The following LSAMP variants were observed in gnomAD, a reference collection of about 807,000 sequenced individuals.
LSAMP encodes the protein limbic system-associated membrane protein.
LSAMP carries 7 observed loss-of-function variants against 38.6 expected under a neutral mutation model. The ratio of observed to expected loss-of-function variants is 0.18; its 90% CI spans 0.10 to 0.34. The LOEUF (loss-of-function observed/expected upper bound fraction) is 0.34, where lower values mean the gene tolerates loss of function less well. Among genes scored for constraint, LSAMP ranks in the 10% least tolerant of loss-of-function variants. The pLI is 1.00. For synonymous variants in LSAMP, 154 were observed against 166.8 expected, an observed-to-expected ratio of 0.92 and a Z score of 0.59; for missense variants, 313 against 420.0, an observed-to-expected ratio of 0.75 and a Z score of 2.23.
At chr3:116,125,787 G>C (rs1708995745) in intron 1 of LSAMP, among the ~76,000 whole-genome samples, 1 of 152,094 alleles carries the variant, frequency 6.6e-6, no homozygotes, top group African/African-American at 2.4e-5. Context: ...GTACATGATG[G>C]TATTTTTTTC....
chr3:116,287,228 G>A (rs1385380456), intron 1 of LSAMP, among the ~76,000 whole-genome samples: 1 of 152,110 alleles, frequency 6.6e-6, no homozygotes. Context: ...ATAAATGCAT[G>A]TTTGCAGCTA....
chr3:116,391,917 C>T (rs2048705418), intron 1 of LSAMP, among the ~76,000 whole-genome samples: 1 of 152,144 alleles, frequency 6.6e-6, no homozygotes, highest in African/African-American at 2.4e-5. Context: ...GAGGCCCACC[C>T]TCCATCAGGG....
chr3:116,345,338 A>T (rs2048051544), intron 1 of LSAMP, among the ~76,000 whole-genome samples: 1 of 152,204 alleles, frequency 6.6e-6, no homozygotes. Flanking sequence ...TTAATATTGT[A>T]AAAATGCAGA....
Position 115,879,445 on chromosome 3 carries a change from T to G in LSAMP, c.515-26828A>C, listed in dbSNP as rs374592209. Among the ~76,000 whole-genome samples the G allele has an allele frequency of 6.6e-5, 10 of 152,288 alleles. No homozygotes were observed. In the East Asian group the frequency reaches 1.5e-3, roughly 24 times the overall value. Reference sequence around the variant, plus strand: ...TATATCAGGTGGAAATACTGACTAATATGGGTTTTATAAATTTATATAGAT... The same window carrying G: ...TATATCAGGTGGAAATACTGACTAAGATGGGTTTTATAAATTTATATAGAT... On this transcript the variant is annotated intron_variant, in intron 3 of 6. Coordinates refer to ENST00000490035, the MANE Select transcript of LSAMP (RefSeq NM_002338.5).
chr3:116,018,206 C>T lies in LSAMP; in HGVS notation c.514+1309G>A, dbSNP rs542559478. Among the ~76,000 whole-genome samples, 92 of 152,122 alleles carry T rather than the reference C, an allele frequency of 6.0e-4. 1 individual carries two copies. The South Asian group carries it at 9.6e-3, about 16-fold the overall frequency. On this transcript the variant is annotated intron_variant, in intron 3 of 6. Transcript: ENST00000490035. ...GGATGGGTTTTGAGTGACACTTTCT[C>T]AAGAAAATAGAGGCCTTTAATAAGA...
intron 1 of LSAMP, among the ~76,000 whole-genome samples, chr3:116,363,765 T>C (rs1418881680): frequency 1.3e-5 from 2 of 149,314 alleles, no homozygotes; most frequent in African/African-American, 5.0e-5. Flanking sequence ...AAAAACCACA[T>C]GATTATCTCA....
rs150919884 is a variant in LSAMP, at chr3:116,281,949, G to C, written c.155+162928C>G. ...TTAACAACTTTTTAATTAACCTTCT[G>C]ACACTGTCAATAAGAAGTTTCACTG... On this transcript the variant is annotated intron_variant, in intron 1 of 6. Transcript: ENST00000490035. 2.6e-4 allele frequency among the ~76,000 whole-genome samples: 39 copies of C among 152,260 alleles called. 1 individual carries two copies. The East Asian group carries it at 7.3e-3, about 29-fold the overall frequency.
intron 1 of LSAMP, among the ~76,000 whole-genome samples, chr3:116,332,099 CA>C (rs2047860590): frequency 6.6e-6 from 1 of 152,068 alleles, no homozygotes; most frequent in Non-Finnish European, 1.5e-5. Flanking sequence ...CTTGGCCTCT[CA>C]AAGTGCTGGG....
chr3:116,213,230 T>C (rs1322265465), intron 1 of LSAMP, among the ~76,000 whole-genome samples: 2 of 152,202 alleles, frequency 1.3e-5, no homozygotes, highest in African/African-American at 4.8e-5. Flanking sequence ...CCGAATCTCA[T>C]ATTGAATGCC....
chr3:116,248,477 ATGTGTGTGTGTGTGTG>A (rs3028670), intron 1 of LSAMP, among the ~76,000 whole-genome samples: 2,616 of 140,994 alleles, frequency 0.019, 28 homozygotes, highest in African/African-American at 0.022. Context: ...CCTGTCTCTA[ATGTGTGTGTGTGTGTG>A]TGTGTGTGTG....
At chr3:116,027,946 T>C (rs935146370) in intron 2 of LSAMP, among the ~76,000 whole-genome samples, 1 of 152,164 alleles carries the variant, frequency 6.6e-6, no homozygotes, top group Non-Finnish European at 1.5e-5. Flanking sequence ...CATTCAAAGA[T>C]GGGGCAAGGT....
chr3:116,125,184 A>G (rs1708979849), intron 1 of LSAMP, among the ~76,000 whole-genome samples: 1 of 152,186 alleles, frequency 6.6e-6, no homozygotes, highest in Non-Finnish European at 1.5e-5. Context: ...TTTCATATCT[A>G]AAGCCAGTTC....
intron 3 of LSAMP, among the ~76,000 whole-genome samples, chr3:115,971,629 T>C (rs1335489103): frequency 6.6e-6 from 1 of 152,140 alleles, no homozygotes; most frequent in Admixed American, 6.5e-5. Context: ...TTAGTAAAAA[T>C]CATAAAGACT....
chr3:115,846,646 C>T (rs1935169532), intron 4 of LSAMP, among the ~76,000 whole-genome samples: 1 of 152,084 alleles, frequency 6.6e-6, no homozygotes. Flanking sequence ...ACTTGACAGA[C>T]CATGGATTTA....
At chr3:116,244,398 A>G (rs2046578198) in intron 1 of LSAMP, among the ~76,000 whole-genome samples, 1 of 152,220 alleles carries the variant, frequency 6.6e-6, no homozygotes, top group Admixed American at 6.5e-5. Flanking sequence ...CCCATCAGGC[A>G]AACCCATGTC....
chr3:116,191,559 C>G (rs1459765577), intron 1 of LSAMP, among the ~76,000 whole-genome samples: 1 of 151,962 alleles, frequency 6.6e-6, no homozygotes, highest in Non-Finnish European at 1.5e-5. Flanking sequence ...GGATTCCAGT[C>G]AACTTTTGGA....
chr3:115,940,358 C>T (rs1437888976), intron 3 of LSAMP, among the ~76,000 whole-genome samples: 2 of 14,708 alleles, frequency 1.4e-4, no homozygotes, highest in Admixed American at 1.8e-3. Flanking sequence ...GGTGCATTTA[C>T]AGTCCTTTAG....
chr3:116,009,116 T>G (rs1940251142), intron 3 of LSAMP, among the ~76,000 whole-genome samples: 1 of 152,180 alleles, frequency 6.6e-6, no homozygotes, highest in Non-Finnish European at 1.5e-5. Flanking sequence ...ATTGAAAATA[T>G]AAAACATTGT....
At chr3:116,010,683 G>A (rs1193453103) in intron 3 of LSAMP, among the ~76,000 whole-genome samples, 1 of 152,182 alleles carries the variant, frequency 6.6e-6, no homozygotes, top group Non-Finnish European at 1.5e-5. Context: ...AGTAACTCAA[G>A]GCAAGAAGAA....
Sources: gnomAD v4.1 joint callset for allele counts (sites outside exome capture counted in the v4.1 genomes callset) on GRCh38, gnomAD v4.1.1 for gene constraint, MANE v1.5 for transcripts, NCBI Gene and HGNC (gene_info 2026-07-23, HGNC 2026-07-21) for gene names.